EFTUD2: variants seen among roughly 807,000 people sequenced by gnomAD.
EFTUD2 encodes the protein elongation factor Tu GTP binding domain containing 2.
Under a neutral mutation model 114.3 loss-of-function variants are expected in EFTUD2, and 9 were observed. The ratio of observed to expected loss-of-function variants is 0.08; its 90% confidence interval spans 0.05 to 0.14. The LOEUF is 0.14. Among genes scored for constraint, EFTUD2 ranks in the 10% least tolerant of loss-of-function variants. The pLI, the probability that EFTUD2 is intolerant of heterozygous loss-of-function variation, is 1.00. For missense variants in EFTUD2, 765 were observed against 1,241.2 expected, an observed-to-expected ratio of 0.62 and a Z score of 5.76; for synonymous variants, 449 against 462.3, an observed-to-expected ratio of 0.97 and a Z score of 0.37.
At chr17:44,855,747 G>A (rs1171920903) in intron 20 of EFTUD2, among the ~76,000 whole-genome samples, 1 of 151,762 alleles carries the variant, frequency 6.6e-6, no homozygotes, top group East Asian at 1.9e-4. Context: ...TCAGGAGTTC[G>A]AGACCAGCCT....
intron 19 of EFTUD2, chr17:44,857,629 C>T: frequency 5.0e-6 from 1 of 199,132 alleles, no homozygotes; most frequent in South Asian, 9.8e-5. Flanking sequence ...CCAATCCTTC[C>T]TCCTTCCTAG....
At chr17:44,885,561 C>T (rs1229670461) in intron 3 of EFTUD2, among the ~76,000 whole-genome samples, 2 of 149,494 alleles carry the variant, frequency 1.3e-5, no homozygotes, top group Admixed American at 6.7e-5. Flanking sequence ...TTTTGAGGGA[C>T]AGTGGGAGGG....
chr17:44,889,980 C>A (rs542493422), intron 2 of EFTUD2, among the ~76,000 whole-genome samples: 42 of 152,188 alleles, frequency 2.8e-4, no homozygotes, highest in African/African-American at 9.9e-4. Flanking sequence ...AACAAATATT[C>A]TTTTATCATT....
In EFTUD2 at chr17:44,854,003, A is replaced by G; in HGVS notation, c.2347+266T>C. ...ATTCCAATCTCATCATCCTCTTGATATCTCTTCTCAAATACGTCCAACGCC... is the reference window on the plus strand; with the variant it reads ...ATTCCAATCTCATCATCCTCTTGATGTCTCTTCTCAAATACGTCCAACGCC... On this transcript the variant is annotated intron_variant, in intron 23 of 27. Coordinates refer to ENST00000426333, the MANE Select transcript of EFTUD2 (RefSeq NM_004247.4). The surrounding 1 kb of genome is among the most constrained non-coding windows in gnomAD (Gnocchi z 4.3). 2 of 1,356,198 alleles carry G rather than the reference A, an allele frequency of 1.5e-6. No homozygotes were observed. Among genetic ancestry groups the G allele is most frequent in the Admixed American group, 3.4e-5 (1 of 29,410 alleles). The allele number at this position is 1,356,198 out of a possible 1,614,324, so 84.0% of individuals were successfully genotyped here. A position where few individuals can be genotyped will look rare whatever the true frequency, so the allele number is the denominator to read the frequency against.
At chr17:44,869,488 C>T (rs984278267) in intron 11 of EFTUD2, among the ~76,000 whole-genome samples, 1 of 152,058 alleles carries the variant, frequency 6.6e-6, no homozygotes. Context: ...TTTGTAGAGA[C>T]GAGGTCTTGC....
Position 44,885,321 on chromosome 17 carries a change from C to G in EFTUD2, c.285G>C (p.Lys95Asn). The change falls in exon 4 of 28, where the codon AAG (lysine) becomes AAC (asparagine). Residue 95 changes from lysine to asparagine, a missense_variant. Transcript: ENST00000426333. ...GAGTGAATTTCTTGGTTTTCACTGG[C>G]TTAATAATGGGTTCTAGAAGAAAAA... Reference protein sequence around the residue: ...DTQPLTEPIIKPVKTKKFTLM... With the variant: ...DTQPLTEPIINPVKTKKFTLM... The G allele has an allele frequency of 1.2e-6, 2 of 1,612,754 alleles. No individual in the cohort carries two copies. The highest frequency in any genetic ancestry group is 1.7e-6 in the Non-Finnish European group (2 of 1,179,134).
intron 16 of EFTUD2, 52 bp from the exon 17 acceptor site, chr17:44,860,595 ATTTTTTTT>A: frequency 1.5e-5 from 10 of 672,024 alleles, no homozygotes; most frequent in African/African-American, 4.3e-5. Flanking sequence ...GCATTCCCTA[ATTTTTTTT>A]TTTTTTTTTT....
chr17:44,854,208 C>T lies in EFTUD2; in HGVS notation c.2347+61G>A. On this transcript the variant is annotated intron_variant, in intron 23 of 27. Transcript: ENST00000426333. The surrounding 1 kb of genome is among the most constrained non-coding windows in gnomAD (Gnocchi z 4.3). ...TCCTAAAGATGGTGAGCCCATCCCA[C>T]TCATATGCCTGGCTGCAAGGACCCT... 2 of 1,535,604 alleles carry T rather than the reference C, an allele frequency of 1.3e-6. No individual in the cohort carries two copies.
At chr17:44,860,324 T>C (rs2050632911) in intron 17 of EFTUD2, 108 bp downstream of exon 17, 1 of 868,838 alleles carries the variant, frequency 1.2e-6, no homozygotes, top group Non-Finnish European at 1.9e-6. Context: ...AGGCTAAGCC[T>C]GAAACCAGGA....
chr17:44,859,432 G>T, intron 18 of EFTUD2: 1 of 563,394 alleles, frequency 1.8e-6, no homozygotes, highest in African/African-American at 1.9e-5. Flanking sequence ...TAATGATTTA[G>T]GTCAAACTCT....
chr17:44,880,680 A>C, intron 7 of EFTUD2, 36 bp from the exon 8 acceptor site: 1 of 1,547,232 alleles, frequency 6.5e-7, no homozygotes, highest in Non-Finnish European at 8.9e-7. Context: ...ACCTCTTCCT[A>C]TGCAAGAGGG....
At chr17:44,861,705 G>T (rs543666334) in intron 16 of EFTUD2, among the ~76,000 whole-genome samples, 1 of 152,190 alleles carries the variant, frequency 6.6e-6, no homozygotes, top group African/African-American at 2.4e-5. Context: ...CTGCACTCCA[G>T]GTTGGGCGAC....
intron 20 of EFTUD2, among the ~76,000 whole-genome samples, chr17:44,856,524 T>C (rs981207796): frequency 7.0e-6 from 1 of 143,236 alleles, no homozygotes; most frequent in African/African-American, 2.6e-5. Context: ...AGCGAGACTG[T>C]CTTAAAAAAA....
intron 17 of EFTUD2, 29 bp from the exon 18 acceptor site, chr17:44,860,074 G>A (rs2050628787): frequency 1.2e-6 from 2 of 1,614,068 alleles, no homozygotes; most frequent in South Asian, 1.1e-5. Context: ...AGGACTGAGG[G>A]CAACTGGCAT....
intron 13 of EFTUD2, among the ~76,000 whole-genome samples, chr17:44,866,728 A>G (rs551830340): frequency 1.2e-4 from 19 of 152,328 alleles, no homozygotes; most frequent in South Asian, 8.3e-4. Flanking sequence ...GGGATGTACC[A>G]TCACTCATTT....
rs374651078 is a variant in EFTUD2, at chr17:44,862,734, C to T, written c.1586G>A (p.Arg529His). The T allele has an allele frequency of 3.1e-6, 5 of 1,613,724 alleles. No individual in the cohort carries two copies. The highest frequency in any genetic ancestry group is 3.4e-6 in the Non-Finnish European group (4 of 1,179,766). ...GTACCTGGCCACAGAGATCCAAAGG[C>T]GGCCCACGGTGCATATCTGGGAGTC... ...EEDSQICTVG[R>H]LWISVARYHI... The change falls in exon 16 of 28, where the codon CGC (arginine) becomes CAC (histidine). Residue 529 changes from arginine (R) to histidine (H), a missense_variant. Transcript: ENST00000426333.
chr17:44,897,215 CAAAAAAAAA>C (rs60766041), intron 1 of EFTUD2, among the ~76,000 whole-genome samples: 1 of 66,520 alleles, frequency 1.5e-5, no homozygotes, highest in African/African-American at 5.5e-5. Flanking sequence ...GACTCCGTCT[CAAAAAAAAA>C]AAAAAAAAAA....
Position 44,853,643 on chromosome 17 carries a change from G to A in EFTUD2, c.2348-8C>T. ...ACTTGACATTCCGAATCACTGTAAAGGAGGTGGAGGGAGTGACTGGGGAGA... is the reference window on the plus strand; with the variant it reads ...ACTTGACATTCCGAATCACTGTAAAAGAGGTGGAGGGAGTGACTGGGGAGA... On this transcript the variant is annotated splice_polypyrimidine_tract_variant and splice_region_variant and intron_variant, in intron 23 of 27. Transcript: ENST00000426333. The A allele has an allele frequency of 3.1e-6, 5 of 1,613,256 alleles. No individual in the cohort carries two copies. Among genetic ancestry groups the A allele is most frequent in the Non-Finnish European group, 4.2e-6 (5 of 1,179,292 alleles).
intron 11 of EFTUD2, among the ~76,000 whole-genome samples, chr17:44,871,063 G>A (rs2050844038): frequency 6.6e-6 from 1 of 152,066 alleles, no homozygotes; most frequent in Non-Finnish European, 1.5e-5. Flanking sequence ...TTTTGAGACA[G>A]GGTCTTGCTC....
Sources: gnomAD v4.1 joint callset for allele counts (sites outside exome capture counted in the v4.1 genomes callset) on GRCh38, gnomAD v4.1.1 for gene constraint, Gnocchi (gnomAD v3.1) non-coding constraint, MANE v1.5 for transcripts, NCBI Gene and HGNC (gene_info 2026-07-23, HGNC 2026-07-21) for gene names.